SEPTIN9: variants seen among roughly 807,000 people sequenced by gnomAD.
SEPTIN9 encodes septin 9.
SEPTIN9 carries 13 observed loss-of-function variants against 56.6 expected under a neutral mutation model. The observed-to-expected ratio is 0.23, with a 90% CI of 0.15 to 0.37. The LOEUF (loss-of-function observed/expected upper bound fraction) is 0.37, where lower values mean the gene tolerates loss of function less well. Among genes scored for constraint, SEPTIN9 ranks in the 10% least tolerant of loss-of-function variants. SEPTIN9 has a pLI of 1.00. For missense variants in SEPTIN9, 650 were observed against 823.1 expected, an observed-to-expected ratio of 0.79 and a Z score of 2.57; for synonymous variants, 332 against 334.1, an observed-to-expected ratio of 0.99 and a Z score of 0.07.
intron 2 of SEPTIN9, among the ~76,000 whole-genome samples, chr17:77,398,277 G>A (rs1339935598): frequency 1.3e-5 from 2 of 152,160 alleles, no homozygotes; most frequent in Non-Finnish European, 2.9e-5. Context: ...GCCTGGCTTA[G>A]TAGGTTTTCT....
rs2034668986 is a variant in SEPTIN9, at chr17:77,369,873, C to T, written c.77-32186C>T. ...GCTGCTTCCTCGTGGATTTCCTCCC[C>T]ACTCCGTTCCCACGCTTTGTAAGCT... On this transcript the variant is annotated intron_variant, in intron 2 of 11. Transcript: ENST00000427177. The surrounding 1 kb of genome is among the most constrained non-coding windows in gnomAD (Gnocchi z 4.9). Among the ~76,000 whole-genome samples, 1 of 152,224 alleles carries T rather than the reference C, an allele frequency of 6.6e-6. No homozygotes were observed. Among genetic ancestry groups the T allele is most frequent in the Non-Finnish European group, 1.5e-5 (1 of 68,044 alleles).
intron 4 of SEPTIN9, chr17:77,483,002 G>T (rs1298617994): frequency 3.5e-5 from 6 of 173,746 alleles, no homozygotes; most frequent in Admixed American, 1.6e-4. Flanking sequence ...GGCTGCCAAG[G>T]TTCCTTAGCT....
chr17:77,415,505 G>C (rs1347439571), intron 3 of SEPTIN9, among the ~76,000 whole-genome samples: 1 of 151,990 alleles, frequency 6.6e-6, no homozygotes, highest in Non-Finnish European at 1.5e-5. Context: ...TACTCGGTAG[G>C]CTGAGGCAGG....
chr17:77,395,612 A>T (rs983185683), intron 2 of SEPTIN9, among the ~76,000 whole-genome samples: 1 of 152,112 alleles, frequency 6.6e-6, no homozygotes, highest in Non-Finnish European at 1.5e-5. Context: ...GCATCTCAGA[A>T]GGCAGGAAAA....
At chr17:77,351,210 A>G (rs1450088070) in intron 2 of SEPTIN9, among the ~76,000 whole-genome samples, 1 of 149,122 alleles carries the variant, frequency 6.7e-6, no homozygotes, top group African/African-American at 2.5e-5. Context: ...TTGCGCAGGC[A>G]CATGTGCGCG....
At chr17:77,337,183 A>T (rs939261163) in intron 2 of SEPTIN9, among the ~76,000 whole-genome samples, 1 of 151,836 alleles carries the variant, frequency 6.6e-6, no homozygotes, top group Non-Finnish European at 1.5e-5. Context: ...AATTTTTAAA[A>T]TTTTTTGTAC....
At chr17:77,324,103 G>A (rs73371419) in intron 2 of SEPTIN9, among the ~76,000 whole-genome samples, 253 of 152,266 alleles carry the variant, frequency 1.7e-3, no homozygotes, top group African/African-American at 5.8e-3. Flanking sequence ...CACACCACTC[G>A]ACCTCTGCCT....
chr17:77,362,772 G>A (rs997836731), intron 2 of SEPTIN9, among the ~76,000 whole-genome samples: 1 of 152,230 alleles, frequency 6.6e-6, no homozygotes, highest in African/African-American at 2.4e-5. Flanking sequence ...TAAGGCCTGA[G>A]TTAGAGGCTG....
At chr17:77,378,479 GT>G (rs1386422897) in intron 2 of SEPTIN9, among the ~76,000 whole-genome samples, 4 of 152,194 alleles carry the variant, frequency 2.6e-5, no homozygotes, top group Non-Finnish European at 5.9e-5. Flanking sequence ...TACGGGTGTG[GT>G]GGGTGTCGCG....
At chr17:77,409,283 G>T (rs1247484049) in intron 3 of SEPTIN9, among the ~76,000 whole-genome samples, 4 of 125,768 alleles carry the variant, frequency 3.2e-5, no homozygotes, top group African/African-American at 1.3e-4. Flanking sequence ...TGTGCTGGGG[G>T]AACAGGAATC....
Position 77,310,861 on chromosome 17 carries a change from C to T in SEPTIN9, c.76+3664C>T, listed in dbSNP as rs2032464541. On this transcript the variant is annotated intron_variant, in intron 2 of 11. Coordinates refer to ENST00000427177, the MANE Select transcript of SEPTIN9 (RefSeq NM_001113491.2). This position sits in a 1 kb window ranked among gnomAD's most constrained non-coding sequence, Gnocchi z 4.7. ...GGAGCCAACTCCTCTGCCTGACATC[C>T]CGTGTCGCTAGGTCCTGCTCTTCCA... Among the ~76,000 whole-genome samples the T allele has an allele frequency of 6.6e-6, 1 of 152,156 alleles. No homozygotes were observed. The highest frequency in any genetic ancestry group is 2.4e-5 in the African/African-American group (1 of 41,432).
intron 2 of SEPTIN9, among the ~76,000 whole-genome samples, chr17:77,390,167 G>A (rs2035483092): frequency 6.6e-6 from 1 of 151,740 alleles, no homozygotes; most frequent in Non-Finnish European, 1.5e-5. Flanking sequence ...TCTGCTCTGC[G>A]TAAAGAGAGA....
In SEPTIN9 at chr17:77,405,238, G is replaced by A; in HGVS notation, c.721+2535G>A. 9.5e-7 allele frequency: 1 copy of A among 1,056,452 alleles called. No homozygotes were observed. The highest frequency in any genetic ancestry group is 1.4e-6 in the Non-Finnish European group (1 of 734,258). The allele number at this position is 1,056,452 out of a possible 1,614,324, so 65.4% of individuals were successfully genotyped here. The stretch of plus-strand genomic sequence containing the variant: ...TGCCAGAGACTGTGCCGGGAGCCAG[G>A]CCCAGGGACACAACCTGCGGGCTCT... On this transcript the variant is annotated intron_variant, in intron 3 of 11. Transcript: ENST00000427177. This position sits in a 1 kb window ranked among gnomAD's most constrained non-coding sequence, Gnocchi z 5.8.
Position 77,464,267 on chromosome 17 carries a change from G to A in SEPTIN9, c.722-17877G>A, listed in dbSNP as rs138717575. Among the ~76,000 whole-genome samples, 947 of 152,084 alleles carry A rather than the reference G, an allele frequency of 6.2e-3. 10 individuals are homozygous for A. The highest frequency in any genetic ancestry group is 0.056 in the South Asian group (270 of 4,808). The stretch of plus-strand genomic sequence containing the variant: ...AATTTTTTGTATTTTTAGTAGAGAC[G>A]GTGTTTCACCAGGTTGACCAGGCTA... On this transcript the variant is annotated intron_variant, in intron 3 of 11. Transcript: ENST00000427177.
intron 4 of SEPTIN9, among the ~76,000 whole-genome samples, chr17:77,485,536 GTGA>G (rs150630793): frequency 1.3e-5 from 2 of 151,938 alleles, no homozygotes; most frequent in East Asian, 3.9e-4. Context: ...GATGATAAGG[GTGA>G]TGATGATGGT....
intron 4 of SEPTIN9, chr17:77,482,822 T>C (rs1241169381): frequency 2.0e-6 from 1 of 509,390 alleles, no homozygotes; most frequent in African/African-American, 1.9e-5. Context: ...GAGCTGGAGG[T>C]CACCACGGGA....
intron 3 of SEPTIN9, among the ~76,000 whole-genome samples, chr17:77,438,243 G>T (rs1033953772): frequency 6.6e-6 from 1 of 152,216 alleles, no homozygotes; most frequent in Non-Finnish European, 1.5e-5. Flanking sequence ...CAGCCAAGAG[G>T]CTGGTTCCCC....
intron 2 of SEPTIN9, among the ~76,000 whole-genome samples, chr17:77,341,466 G>GC (rs2033721623): frequency 6.6e-6 from 1 of 152,194 alleles, no homozygotes. Flanking sequence ...AAAAACAACT[G>GC]CAATAATGGC....
intron 2 of SEPTIN9, among the ~76,000 whole-genome samples, chr17:77,388,810 C>CTTTTTTTTGTTTT (rs2035430139): frequency 1.3e-5 from 1 of 78,052 alleles, no homozygotes; most frequent in Non-Finnish European, 2.2e-5. Context: ...GTGTTAGGCG[C>CTTTTTTTTGTTTT]TTTTTTTTTT....
Sources: gnomAD v4.1 joint callset for allele counts (sites outside exome capture counted in the v4.1 genomes callset) on GRCh38, gnomAD v4.1.1 for gene constraint, Gnocchi (gnomAD v3.1) non-coding constraint, MANE v1.5 for transcripts, NCBI Gene and HGNC (gene_info 2026-07-23, HGNC 2026-07-21) for gene names.